Variants in CERS6 observed in about 807,000 individuals in gnomAD.
The protein encoded by CERS6 is LAG1 homolog, ceramide synthase 6.
In CERS6, 26 loss-of-function variants were observed where a neutral mutation model predicts 56.8. That is an observed-to-expected ratio of 0.46 (90% CI 0.34 to 0.63). CERS6 has a LOEUF of 0.63. CERS6 is among the 30% of genes least tolerant of loss of function. The pLI, the probability that CERS6 is intolerant of heterozygous loss-of-function variation, is 0.01. For synonymous variants in CERS6, 164 were observed against 173.3 expected (o/e 0.95, Z 0.42); for missense variants, 415 against 467.5 (o/e 0.89, Z 1.04).
At chr2:168,561,832 T>C (rs1174433472) in intron 3 of CERS6, among the ~76,000 whole-genome samples, 6 of 152,178 alleles carry the variant, frequency 3.9e-5, no homozygotes, top group Non-Finnish European at 8.8e-5. Flanking sequence ...GTCTCTTCCA[T>C]CTCTGAAATG....
At chr2:168,467,993 A>T (rs1453910353) in intron 1 of CERS6, among the ~76,000 whole-genome samples, 1 of 152,136 alleles carries the variant, frequency 6.6e-6, no homozygotes, top group African/African-American at 2.4e-5. Flanking sequence ...TTAGAGTTTT[A>T]GACAGGCCCT....
At chr2:168,553,126 G>A (rs180709861) in intron 2 of CERS6, among the ~76,000 whole-genome samples, 1 of 152,092 alleles carries the variant, frequency 6.6e-6, no homozygotes, top group African/African-American at 2.4e-5. Context: ...AAGAAGGCAG[G>A]AAACACTAGT....
chr2:168,689,808 T>A (rs2105359755), intron 4 of CERS6, among the ~76,000 whole-genome samples: 1 of 152,278 alleles, frequency 6.6e-6, no homozygotes, highest in Non-Finnish European at 1.5e-5. Flanking sequence ...TGGAACATAG[T>A]TAGGTTTAGG....
chr2:168,525,376 C>T (rs558624363), intron 1 of CERS6, among the ~76,000 whole-genome samples: 6 of 152,314 alleles, frequency 3.9e-5, no homozygotes, highest in African/African-American at 4.8e-5. Context: ...AAACACTGGA[C>T]GAAGTACAGC....
chr2:168,662,751 G>A (rs4668093), intron 4 of CERS6, among the ~76,000 whole-genome samples: 151,592 of 152,280 alleles, frequency 1, 75,456 homozygotes, highest in Middle Eastern at 1. Context: ...AAACAAACGA[G>A]CCCTGGAAAG....
chr2:168,473,941 C>G (rs1414232532), intron 1 of CERS6, among the ~76,000 whole-genome samples: 1 of 151,996 alleles, frequency 6.6e-6, no homozygotes, highest in African/African-American at 2.4e-5. Flanking sequence ...ACCTGTAGTC[C>G]CAGCTACTCA....
At chr2:168,557,248 A>G (rs1261824286) in intron 2 of CERS6, among the ~76,000 whole-genome samples, 2 of 152,188 alleles carry the variant, frequency 1.3e-5, no homozygotes, top group South Asian at 2.1e-4. Context: ...AGGAATAAAC[A>G]TAGCAAGGTA....
chr2:168,652,761 A>G (rs933496562), intron 4 of CERS6, among the ~76,000 whole-genome samples: 1 of 152,152 alleles, frequency 6.6e-6, no homozygotes, highest in Non-Finnish European at 1.5e-5. Flanking sequence ...CCCTTTCCCC[A>G]CTAAGGAGCT....
chr2:168,687,435 T>C (rs1686381026), intron 4 of CERS6, among the ~76,000 whole-genome samples: 1 of 152,164 alleles, frequency 6.6e-6, no homozygotes, highest in South Asian at 2.1e-4. Flanking sequence ...GAGTATCAAC[T>C]GGGAGCTTTA....
At chr2:168,559,754 T>TATATATATATATATATATA (rs56014027) in intron 2 of CERS6, among the ~76,000 whole-genome samples, 91 of 123,866 alleles carry the variant, frequency 7.3e-4, no homozygotes, top group East Asian at 1.5e-3. Context: ...TATATATATA[T>TATATATATATATATATATA]TTCACCCTTA....
chr2:168,667,439 C>G (rs1685791012), intron 4 of CERS6, among the ~76,000 whole-genome samples: 2 of 152,218 alleles, frequency 1.3e-5, no homozygotes, highest in African/African-American at 4.8e-5. Context: ...TCCTGCCTGC[C>G]TTTACCAAAT....
chr2:168,744,214 C>T (rs1349492867), intron 8 of CERS6, among the ~76,000 whole-genome samples: 1 of 151,876 alleles, frequency 6.6e-6, no homozygotes, highest in African/African-American at 2.4e-5. Context: ...ACCGTGTTAG[C>T]CAGGATGGTC....
chr2:168,703,600 C>T (rs1318044970), intron 6 of CERS6, among the ~76,000 whole-genome samples: 7 of 152,152 alleles, frequency 4.6e-5, no homozygotes, highest in Admixed American at 2.6e-4. Flanking sequence ...CAGGTAGTGC[C>T]TCACATTGCA....
rs1683471144 is a variant in CERS6 at position 168,583,553 on chromosome 2, TC to T, written c.407+22234del. On this transcript the variant is annotated intron_variant, in intron 3 of 9. Coordinates refer to ENST00000305747, the MANE Select transcript of CERS6 (RefSeq NM_203463.3). Reference sequence around the variant, plus strand: ...ATGAGCTCAGGCCTCTTGGGTGGCCTCCCTGGGTCTTAGACCAAACCAGTCA... The same window carrying T: ...ATGAGCTCAGGCCTCTTGGGTGGCCTCCTGGGTCTTAGACCAAACCAGTCA... Among the ~76,000 whole-genome samples, 4 of 152,354 alleles carry T rather than the reference TC, an allele frequency of 2.6e-5. No homozygotes were observed. In the South Asian group the frequency reaches 6.2e-4, roughly 24 times the overall value.
At chr2:168,463,251 T>C (rs1276429446) in intron 1 of CERS6, among the ~76,000 whole-genome samples, 2 of 152,222 alleles carry the variant, frequency 1.3e-5, no homozygotes, top group East Asian at 3.8e-4. Context: ...CATTCAATCA[T>C]ACTGTATATA....
In CERS6 at chr2:168,547,643, GACCACAAA is replaced by G. The variant is rs1445292119; in HGVS notation, c.219_226del (p.Pro74CysfsTer19). 1 of 1,614,068 alleles carries G rather than the reference GACCACAAA, an allele frequency of 6.2e-7. No homozygotes were observed. The highest frequency in any genetic ancestry group is 8.5e-7 in the Non-Finnish European group (1 of 1,179,934). On this transcript the variant is annotated frameshift_variant, in exon 2 of 10. Transcript: ENST00000305747. LOFTEE classifies it high-confidence loss of function. ...ATAGCCCTCAACATTCAGGCCAATG[GACCACAAA>G]TTGCTCCGCCCAATGCCATTCTGGA...
intron 1 of CERS6, among the ~76,000 whole-genome samples, chr2:168,492,100 A>G (rs958123545): frequency 5.9e-5 from 9 of 152,218 alleles, no homozygotes; most frequent in African/African-American, 2.2e-4. Flanking sequence ...GTGTCTTGAC[A>G]GTAGAATGAT....
chr2:168,513,604 C>T (rs532736531), intron 1 of CERS6, among the ~76,000 whole-genome samples: 3 of 152,284 alleles, frequency 2.0e-5, no homozygotes, highest in Admixed American at 2.0e-4. Context: ...ATTCTCACTC[C>T]ATCATGTCAA....
In CERS6 at chr2:168,721,653, C is replaced by T. The variant is rs553506126; in HGVS notation, c.845+3675C>T. Among the ~76,000 whole-genome samples the T allele has an allele frequency of 2.0e-5, 3 of 148,032 alleles. No homozygotes were observed. In the East Asian group the frequency reaches 6.2e-4, roughly 31 times the overall value. ...AAAAAAAAACCAACGGGGTCTTGCTCTGTTGGCCAGGCTGGGCTACAGTGA... is the reference window on the plus strand; with the variant it reads ...AAAAAAAAACCAACGGGGTCTTGCTTTGTTGGCCAGGCTGGGCTACAGTGA... On this transcript the variant is annotated intron_variant, in intron 8 of 9. Transcript: ENST00000305747.
Sources: gnomAD v4.1 joint callset for allele counts (sites outside exome capture counted in the v4.1 genomes callset) on GRCh38, gnomAD v4.1.1 for gene constraint, MANE v1.5 for transcripts, NCBI Gene and HGNC (gene_info 2026-07-23, HGNC 2026-07-21) for gene names.